Variants in NUP214 observed in about 807,000 individuals in gnomAD.
NUP214 encodes nucleoporin 214, also known as nuclear pore complex protein Nup214.
NUP214 carries 79 observed loss-of-function variants against 196.2 expected under a neutral mutation model. The ratio of observed to expected loss-of-function variants is 0.40; its 90% CI spans 0.34 to 0.49. The LOEUF is 0.49. Among genes scored for constraint, NUP214 ranks in the 20% least tolerant of loss-of-function variants. NUP214 has a pLI of 0.58. For missense variants in NUP214, 2,468 were observed against 2,539.0 expected (o/e 0.97, Z 0.60); for synonymous variants, 1,020 against 990.5 (o/e 1.03, Z -0.56).
At chr9:131,166,887 A>G (rs573860794) in intron 21 of NUP214, among the ~76,000 whole-genome samples, 3 of 152,180 alleles carry the variant, frequency 2.0e-5, no homozygotes, top group South Asian at 4.2e-4. Flanking sequence ...GTTTGCCACA[A>G]TTGTTGCTGA....
At chr9:131,168,431 A>G (rs994438047) in intron 21 of NUP214, among the ~76,000 whole-genome samples, 1 of 152,220 alleles carries the variant, frequency 6.6e-6, no homozygotes, top group Non-Finnish European at 1.5e-5. Flanking sequence ...CTAAGTTTAC[A>G]GAATTGTATA....
At chr9:131,197,113 A>G in intron 28 of NUP214, 103 bp from the exon 29 acceptor site, 1 of 1,500,078 alleles carries the variant, frequency 6.7e-7, no homozygotes, top group Non-Finnish European at 9.0e-7. Flanking sequence ...CTGACTCTGT[A>G]GAGGGAGGAG....
At chr9:131,187,544 G>A (rs926917553) in intron 25 of NUP214, among the ~76,000 whole-genome samples, 180 bp downstream of exon 25, 1 of 152,086 alleles carries the variant, frequency 6.6e-6, no homozygotes, top group Non-Finnish European at 1.5e-5. Context: ...CCACCACCAT[G>A]CCCAGTCAAT....
chr9:131,196,496 A>G (rs1002881891), intron 28 of NUP214, among the ~76,000 whole-genome samples: 33 of 152,132 alleles, frequency 2.2e-4, no homozygotes, highest in African/African-American at 7.7e-4. Context: ...CTGTTGTTTG[A>G]CCAGGCCTTA....
intron 30 of NUP214, among the ~76,000 whole-genome samples, chr9:131,209,052 T>C (rs1256608546): frequency 6.6e-6 from 1 of 151,810 alleles, no homozygotes; most frequent in Non-Finnish European, 1.5e-5. Context: ...TTCTCATTCA[T>C]GCTACATATA....
chr9:131,176,786 C>T (rs558098424), intron 23 of NUP214, among the ~76,000 whole-genome samples: 28 of 152,240 alleles, frequency 1.8e-4, no homozygotes, highest in South Asian at 4.1e-4. Flanking sequence ...TTACAGTCTG[C>T]GTAGTTGGTC....
chr9:131,168,687 T>C (rs1159761407), intron 21 of NUP214, among the ~76,000 whole-genome samples: 1 of 152,246 alleles, frequency 6.6e-6, no homozygotes, highest in African/African-American at 2.4e-5. Flanking sequence ...CATTCCATTT[T>C]GTCATTGAAC....
intron 30 of NUP214, among the ~76,000 whole-genome samples, chr9:131,214,368 G>A (rs12347273): frequency 0.049 from 7,468 of 152,184 alleles, 290 homozygotes; most frequent in African/African-American, 0.11. Context: ...TTCACTCTCC[G>A]CTGTGTTGAG....
At chr9:131,222,673 C>A in intron 31 of NUP214, 105 bp from the exon 32 acceptor site, 1 of 1,367,242 alleles carries the variant, frequency 7.3e-7, no homozygotes, top group Non-Finnish European at 9.9e-7. Flanking sequence ...GGCGGCTTGT[C>A]ACTCCCATCT....
In NUP214 at chr9:131,146,014, A is replaced by G; in HGVS notation, c.1770-115A>G. ...GTTTCCTGAAGGCAAAAAGTATGTT[A>G]TCTTTGTAAGTTAACATAAAAGATA... On this transcript the variant is annotated intron_variant, in intron 12 of 35. Coordinates refer to ENST00000359428, the MANE Select transcript of NUP214 (RefSeq NM_005085.4). The surrounding 1 kb of genome is among the most constrained non-coding windows in gnomAD (Gnocchi z 4.6). 9.7e-7 allele frequency: 1 copy of G among 1,028,904 alleles called. No individual in the cohort carries two copies. The highest frequency in any genetic ancestry group is 2.8e-4 in the Middle Eastern group (1 of 3,546). 63.7% of individuals were successfully genotyped at this position (1,028,904 alleles called of 1,614,324 possible).
At chr9:131,181,426 A>G (rs1833275457) in intron 24 of NUP214, among the ~76,000 whole-genome samples, 1 of 152,146 alleles carries the variant, frequency 6.6e-6, no homozygotes, top group Admixed American at 6.5e-5. Context: ...GAGGTGCTGC[A>G]CCATTTTTCA....
At chr9:131,138,142 C>A (rs1208244766) in intron 9 of NUP214, among the ~76,000 whole-genome samples, 1 of 151,838 alleles carries the variant, frequency 6.6e-6, no homozygotes, top group African/African-American at 2.4e-5. Context: ...TTCTCTCTCT[C>A]TCTCTTTTTT....
At chr9:131,223,059 TC>T in intron 32 of NUP214, 129 bp downstream of exon 32, 1 of 725,408 alleles carries the variant, frequency 1.4e-6, no homozygotes, top group Non-Finnish European at 2.1e-6. Context: ...GTTAACTGTT[TC>T]CTCCGCATTA....
In NUP214 at chr9:131,222,914, C is replaced by G. The variant is rs373404479; in HGVS notation, c.5886C>G (p.Ser1962=). 1.8e-5 allele frequency: 29 copies of G among 1,613,958 alleles called. No individual in the cohort carries two copies. The highest frequency in any genetic ancestry group is 2.4e-5 in the Non-Finnish European group (28 of 1,179,978). ...GSVASQGFGF[S]SPNKTGGFGA... ...TGGCATCCCAAGGCTTTGGGTTTTCCTCTCCAAACAAAACAGGTACTCCTA... is the reference window on the plus strand; with the variant it reads ...TGGCATCCCAAGGCTTTGGGTTTTCGTCTCCAAACAAAACAGGTACTCCTA... Residue 1962 remains serine, a synonymous_variant, in exon 32 of 36, where the codon TCC becomes TCG. Transcript: ENST00000359428.
rs1833812802 is a variant in NUP214, at chr9:131,197,258, T to G, written c.3764T>G (p.Phe1255Cys). ...AAAGAGTCAAGCCAGCCGGACGCAT[T>G]CTCATCTGGTGGGGGAAGCAAACCT... ...STKESSQPDAFSSGGGSKPSY... is the reference protein window; with the variant it reads ...STKESSQPDACSSGGGSKPSY... The change falls in exon 29 of 36, where the codon TTC becomes TGC. Residue 1255 changes from phenylalanine to cysteine, a missense_variant. Coordinates refer to ENST00000359428, the MANE Select transcript of NUP214 (RefSeq NM_005085.4). The G allele has an allele frequency of 4.3e-6, 7 of 1,614,162 alleles. No individual in the cohort carries two copies. The East Asian group carries it at 1.6e-4, about 36-fold the overall frequency.
chr9:131,209,264 A>G (rs979868068), intron 30 of NUP214, among the ~76,000 whole-genome samples: 6 of 151,942 alleles, frequency 3.9e-5, no homozygotes, highest in African/African-American at 1.2e-4. Context: ...TGTAGTCCCA[A>G]CTACTAAGGA....
intron 24 of NUP214, among the ~76,000 whole-genome samples, chr9:131,180,131 T>C (rs1271261647): frequency 6.6e-6 from 1 of 152,236 alleles, no homozygotes; most frequent in Non-Finnish European, 1.5e-5. Flanking sequence ...AGGAGTAATT[T>C]TGAGTCTACT....
intron 19 of NUP214, among the ~76,000 whole-genome samples, chr9:131,163,597 T>C (rs1832705353): frequency 1.3e-5 from 2 of 152,154 alleles, no homozygotes; most frequent in Non-Finnish European, 2.9e-5. Context: ...TTTACCAAAA[T>C]GGTTTTGTGT....
rs1458482115 is a variant in NUP214, at chr9:131,234,140, C to T, written c.*653C>T. On this transcript the variant is annotated 3_prime_UTR_variant, in exon 36 of 36. Transcript: ENST00000359428. ...AGTGCTGCGCCTTAGCCGGCCTTGG[C>T]TCTCATCTCCATGTGGCTCTTGGGT... 1 of 233,542 alleles carries T rather than the reference C, an allele frequency of 4.3e-6. No individual in the cohort carries two copies. The highest frequency in any genetic ancestry group is 8.4e-6 in the Non-Finnish European group (1 of 118,388). 14.5% of individuals were successfully genotyped at this position (233,542 alleles called of 1,614,324 possible). A position where few individuals can be genotyped will look rare whatever the true frequency, so the allele number is the denominator to read the frequency against.
Sources: allele counts gnomAD v4.1 joint callset (sites outside exome capture counted in the v4.1 genomes callset), GRCh38; gene constraint gnomAD v4.1.1; non-coding constraint Gnocchi (gnomAD v3.1); transcripts MANE v1.5; gene names NCBI Gene and HGNC (gene_info 2026-07-23, HGNC 2026-07-21).